Variants in EBF2 observed in about 807,000 individuals in gnomAD.
EBF2 encodes the protein EBF transcription factor 2.
A neutral mutation model predicts 72.8 loss-of-function variants in EBF2; 21 were observed. The observed-to-expected ratio is 0.29, with a 90% CI of 0.20 to 0.42. The LOEUF (loss-of-function observed/expected upper bound fraction) is 0.42. Ranked by LOEUF, EBF2 falls within the 10% of genes least tolerant of loss-of-function variation. The probability of loss-of-function intolerance (pLI) is 1.00; values close to 1 mark genes in which losing one functional copy is unlikely to be tolerated. For synonymous variants in EBF2, 299 were observed against 274.2 expected (o/e 1.09, Z -0.89); for missense variants, 637 against 731.2 (o/e 0.87, Z 1.49).
At chr8:25,937,065 G>T (rs539041217) in intron 6 of EBF2, among the ~76,000 whole-genome samples, 1 of 152,314 alleles carries the variant, frequency 6.6e-6, no homozygotes, top group East Asian at 1.9e-4. Context: ...AATTAGAATT[G>T]TAACAATGAG....
At chr8:26,020,526 G>A (rs979824340) in intron 6 of EBF2, among the ~76,000 whole-genome samples, 1 of 152,218 alleles carries the variant, frequency 6.6e-6, no homozygotes, top group African/African-American at 2.4e-5. Flanking sequence ...CTCATTGCCT[G>A]AGTAGGAATC....
At chr8:25,911,809 G>A (rs543915584) in intron 6 of EBF2, among the ~76,000 whole-genome samples, 41 of 152,272 alleles carry the variant, frequency 2.7e-4, no homozygotes, top group African/African-American at 9.1e-4. Context: ...TTTCTGAGAC[G>A]TAGGTGAAAC....
chr8:25,897,210 T>C (rs966427189), intron 7 of EBF2, among the ~76,000 whole-genome samples: 2 of 145,588 alleles, frequency 1.4e-5, no homozygotes, highest in African/African-American at 5.7e-5. Context: ...GACGTGCTCT[T>C]TTCTTTTTTT....
At chr8:26,024,985 C>T (rs1436048418) in intron 6 of EBF2, among the ~76,000 whole-genome samples, 1 of 152,114 alleles carries the variant, frequency 6.6e-6, no homozygotes, top group Non-Finnish European at 1.5e-5. Flanking sequence ...GCCCATACCC[C>T]TGAACAAGAG....
chr8:25,936,663 C>G (rs1008890202), intron 6 of EBF2, among the ~76,000 whole-genome samples: 2 of 152,114 alleles, frequency 1.3e-5, no homozygotes, highest in African/African-American at 4.8e-5. Context: ...TGTTCTCTTT[C>G]TTAGTATCAT....
chr8:26,033,232 T>A (rs1805438039), intron 5 of EBF2, 79 bp from the exon 6 acceptor site: 3 of 1,423,094 alleles, frequency 2.1e-6, no homozygotes, highest in Non-Finnish European at 3.0e-6. Flanking sequence ...CAAGAACATT[T>A]TTTCCCCCCA....
At chr8:25,945,363 G>A (rs575364071) in intron 6 of EBF2, among the ~76,000 whole-genome samples, 9 of 152,150 alleles carry the variant, frequency 5.9e-5, no homozygotes, top group East Asian at 3.9e-4. Flanking sequence ...CTGCAACTCC[G>A]TGGGTAGCTG....
chr8:26,017,091 G>A (rs1484932382), intron 6 of EBF2, among the ~76,000 whole-genome samples: 1 of 150,138 alleles, frequency 6.7e-6, no homozygotes, highest in Non-Finnish European at 1.5e-5. Flanking sequence ...CTCATTGTCA[G>A]TATCTAATGC....
At chr8:25,998,472 G>T (rs756459213) in intron 6 of EBF2, among the ~76,000 whole-genome samples, 1 of 152,196 alleles carries the variant, frequency 6.6e-6, no homozygotes, top group Non-Finnish European at 1.5e-5. Context: ...TGAAGCAAGT[G>T]CATTTTCGGT....
intron 7 of EBF2, among the ~76,000 whole-genome samples, chr8:25,890,730 G>C (rs1802763211): frequency 6.6e-6 from 1 of 152,206 alleles, no homozygotes; most frequent in Non-Finnish European, 1.5e-5. Context: ...GCACTGACAT[G>C]ATGCTTAAAG....
At chr8:25,868,266 T>G (rs2117270321) in intron 10 of EBF2, among the ~76,000 whole-genome samples, 1 of 152,350 alleles carries the variant, frequency 6.6e-6, no homozygotes, top group East Asian at 1.9e-4. Context: ...GCACAGTATG[T>G]GCCTTTTGGA....
chr8:26,016,027 A>G (rs1269397738), intron 6 of EBF2, among the ~76,000 whole-genome samples: 4 of 152,250 alleles, frequency 2.6e-5, no homozygotes, highest in African/African-American at 9.6e-5. Context: ...AAAGGTTAAA[A>G]TTATTTCATT....
At chr8:25,901,826 C>T (rs1802958378) in intron 7 of EBF2, among the ~76,000 whole-genome samples, 1 of 152,204 alleles carries the variant, frequency 6.6e-6, no homozygotes, top group Non-Finnish European at 1.5e-5. Context: ...GTACGGAAGC[C>T]CACTGCTTCC....
intron 2 of EBF2, 70 bp downstream of exon 2, chr8:26,042,025 G>A: frequency 6.4e-7 from 1 of 1,564,034 alleles, no homozygotes; most frequent in Admixed American, 1.8e-5. Context: ...GAGAGTGACA[G>A]ATGGAATCTT....
At chr8:25,943,499 G>T (rs928657692) in intron 6 of EBF2, among the ~76,000 whole-genome samples, 9 of 151,968 alleles carry the variant, frequency 5.9e-5, no homozygotes, top group Non-Finnish European at 1.2e-4. Context: ...AACAGAGCTA[G>T]ACCCTGTCTC....
At chr8:25,927,353 T>C (rs1048847443) in intron 6 of EBF2, among the ~76,000 whole-genome samples, 1 of 149,996 alleles carries the variant, frequency 6.7e-6, no homozygotes, top group Non-Finnish European at 1.5e-5. Flanking sequence ...TATATATTTA[T>C]ATATAATACT....
At chr8:25,910,050 AG>A (rs2117315116) in intron 6 of EBF2, among the ~76,000 whole-genome samples, 1 of 152,228 alleles carries the variant, frequency 6.6e-6, no homozygotes, top group South Asian at 2.1e-4. Flanking sequence ...CGGAAGGATA[AG>A]GCAGAGAAAA....
chr8:26,020,461 A>C (rs1203743655), intron 6 of EBF2, among the ~76,000 whole-genome samples: 3 of 152,242 alleles, frequency 2.0e-5, no homozygotes, highest in Non-Finnish European at 2.9e-5. Flanking sequence ...GAAAAGAAGA[A>C]AGGGAGGTCT....
chr8:26,029,449 C>T (rs1006784268), intron 6 of EBF2, among the ~76,000 whole-genome samples: 5 of 152,114 alleles, frequency 3.3e-5, no homozygotes, highest in African/African-American at 1.2e-4. Context: ...TATTATTTGT[C>T]CATAGCAGTT....
Sources: allele counts gnomAD v4.1 joint callset (sites outside exome capture counted in the v4.1 genomes callset), GRCh38; gene constraint gnomAD v4.1.1; transcripts MANE v1.5; gene names NCBI Gene and HGNC (gene_info 2026-07-23, HGNC 2026-07-21).